Variants in AOAH observed in about 807,000 individuals in gnomAD.
AOAH encodes acyloxyacyl hydrolase (neutrophil).
A neutral mutation model predicts 92.2 loss-of-function variants in AOAH; 64 were observed. That is an observed-to-expected ratio of 0.69 (90% CI 0.57 to 0.86). AOAH has a LOEUF of 0.86. Among genes scored for constraint, AOAH ranks in the 40% least tolerant of loss-of-function variants. The pLI, the probability that AOAH is intolerant of heterozygous loss-of-function variation, is 0.00. For synonymous variants in AOAH, 263 were observed against 254.5 expected (o/e 1.03, Z -0.32); for missense variants, 656 against 694.6 (o/e 0.94, Z 0.62).
At chr7:36,620,904 A>ATTCATTCATTC in intron 8 of AOAH, 75 bp from the exon 9 acceptor site, 1 of 1,179,410 alleles carries the variant, frequency 8.5e-7, no homozygotes, top group Non-Finnish European at 1.2e-6. Flanking sequence ...TGCATGAATG[A>ATTCATTCATTC]ATGAATGAAT....
chr7:36,559,634 A>T (rs949905209), intron 13 of AOAH, among the ~76,000 whole-genome samples: 4 of 151,952 alleles, frequency 2.6e-5, no homozygotes, highest in African/African-American at 9.7e-5. Flanking sequence ...AATTCCTTAC[A>T]GATTCTGGAT....
At chr7:36,570,278 G>A (rs931647045) in intron 13 of AOAH, among the ~76,000 whole-genome samples, 1 of 152,144 alleles carries the variant, frequency 6.6e-6, no homozygotes, top group African/African-American at 2.4e-5. Context: ...GTCCTTCTGT[G>A]ACTGGCTTAT....
chr7:36,642,239 G>A (rs770668555), intron 4 of AOAH, among the ~76,000 whole-genome samples: 4 of 152,060 alleles, frequency 2.6e-5, no homozygotes, highest in Non-Finnish European at 5.9e-5. Context: ...GTTAAGCTGA[G>A]ATAAGGTCAT....
chr7:36,670,499 A>T (rs1251227116), intron 3 of AOAH, among the ~76,000 whole-genome samples: 4 of 152,156 alleles, frequency 2.6e-5, no homozygotes, highest in Non-Finnish European at 4.4e-5. Flanking sequence ...TCTCTTTATT[A>T]GAAAGAAAAA....
At chr7:36,595,999 A>C (rs1482915402) in intron 11 of AOAH, among the ~76,000 whole-genome samples, 1 of 152,214 alleles carries the variant, frequency 6.6e-6, no homozygotes, top group African/African-American at 2.4e-5. Context: ...TTCCTCATCC[A>C]TGAAGATCCC....
chr7:36,688,930 T>C (rs748494786), intron 1 of AOAH, among the ~76,000 whole-genome samples: 1 of 152,138 alleles, frequency 6.6e-6, no homozygotes, highest in Non-Finnish European at 1.5e-5. Flanking sequence ...TACATATAGA[T>C]GTATATATAC....
intron 3 of AOAH, among the ~76,000 whole-genome samples, chr7:36,662,182 A>G (rs1795253741): frequency 1.3e-5 from 2 of 152,218 alleles, no homozygotes; most frequent in East Asian, 1.9e-4. Flanking sequence ...GAAATCTCCA[A>G]ATATTTTGAG....
chr7:36,586,991 G>T (rs1405158109), intron 12 of AOAH, among the ~76,000 whole-genome samples: 1 of 152,002 alleles, frequency 6.6e-6, no homozygotes, highest in Non-Finnish European at 1.5e-5. Context: ...TCTAGTTTTG[G>T]CTGGGGGCAG....
intron 3 of AOAH, among the ~76,000 whole-genome samples, chr7:36,666,368 A>G (rs1795532572): frequency 6.6e-6 from 1 of 151,988 alleles, no homozygotes; most frequent in South Asian, 2.1e-4. Context: ...TATCTTTTTA[A>G]TATCTGTGGG....
At chr7:36,678,912 C>T (rs1041663542) in intron 2 of AOAH, among the ~76,000 whole-genome samples, 1 of 152,128 alleles carries the variant, frequency 6.6e-6, no homozygotes, top group African/African-American at 2.4e-5. Flanking sequence ...TTGGCATTTA[C>T]ATATTGACAG....
At chr7:36,686,013 G>A in intron 2 of AOAH, among the ~76,000 whole-genome samples, 1 of 152,076 alleles carries the variant, frequency 6.6e-6, no homozygotes, top group Middle Eastern at 3.4e-3. Context: ...AGATGAATTA[G>A]TTCCCATTAA....
At chr7:36,670,434 T>C (rs1031760143) in intron 3 of AOAH, among the ~76,000 whole-genome samples, 10 of 152,190 alleles carry the variant, frequency 6.6e-5, no homozygotes, top group Non-Finnish European at 1.3e-4. Flanking sequence ...TATTTATTCA[T>C]TTATTACATC....
chr7:36,659,131 C>G (rs776309608), intron 4 of AOAH, 35 bp downstream of exon 4: 1 of 1,551,080 alleles, frequency 6.4e-7, no homozygotes, highest in Non-Finnish European at 8.9e-7. Context: ...TTGCATGTCC[C>G]TGGAAACAGA....
chr7:36,694,496 A>G (rs1463136828), intron 1 of AOAH, among the ~76,000 whole-genome samples: 1 of 152,190 alleles, frequency 6.6e-6, no homozygotes, highest in African/African-American at 2.4e-5. Flanking sequence ...ATCTCAAAAC[A>G]GAACAAAAAA....
rs1584115669 is a variant in AOAH at position 36,686,607 on chromosome 7, T to C, written c.223+92A>G. 12 of 620,726 alleles carry C rather than the reference T, an allele frequency of 1.9e-5. No homozygotes were observed. In the East Asian group the frequency reaches 3.5e-4, roughly 18 times the overall value. 38.5% of individuals were successfully genotyped at this position (620,726 alleles called of 1,614,324 possible). A position where few individuals can be genotyped will look rare whatever the true frequency, so the allele number is the denominator to read the frequency against. On this transcript the variant is annotated intron_variant, in intron 2 of 20. Transcript: ENST00000617537. ...GAAATAGCATAATCAGATTCTTCTC[T>C]GTAAGTGTGGGCAGGAAGTAAAGGC...
intron 1 of AOAH, among the ~76,000 whole-genome samples, chr7:36,716,838 G>C (rs10238016): frequency 6.6e-6 from 1 of 151,488 alleles, no homozygotes; most frequent in Non-Finnish European, 1.5e-5. Context: ...TGGAGGGAGC[G>C]GGGAGGGATA....
At chr7:36,581,486 G>C (rs1788930291) in intron 12 of AOAH, among the ~76,000 whole-genome samples, 1 of 152,166 alleles carries the variant, frequency 6.6e-6, no homozygotes, top group Non-Finnish European at 1.5e-5. Flanking sequence ...CCTCTGCCTT[G>C]AGTATTTTAT....
At chr7:36,671,221 T>G (rs1795904463) in intron 3 of AOAH, among the ~76,000 whole-genome samples, 1 of 152,222 alleles carries the variant, frequency 6.6e-6, no homozygotes, top group East Asian at 1.9e-4. Context: ...ATCATACTTT[T>G]TTTAAAAAAA....
At chr7:36,519,119 G>A (rs978016957) in intron 20 of AOAH, among the ~76,000 whole-genome samples, 6 of 152,186 alleles carry the variant, frequency 3.9e-5, no homozygotes, top group Non-Finnish European at 7.3e-5. Flanking sequence ...TAGGACACAC[G>A]TTGGGCTATT....
Sources: allele counts gnomAD v4.1 joint callset (sites outside exome capture counted in the v4.1 genomes callset), GRCh38; gene constraint gnomAD v4.1.1; transcripts MANE v1.5; gene names NCBI Gene and HGNC (gene_info 2026-07-23, HGNC 2026-07-21).